Variants in AIFM1 observed in about 807,000 individuals in gnomAD.
AIFM1 encodes the protein apoptosis-inducing factor 1, mitochondrial.
AIFM1 carries 3 observed loss-of-function variants against 51.7 expected under a neutral mutation model. That is an observed-to-expected ratio of 0.06 (90% confidence interval 0.03 to 0.15). The LOEUF is 0.15. AIFM1 is among the 10% of genes least tolerant of loss of function. The pLI is 1.00. For synonymous variants in AIFM1, 178 were observed against 179.4 expected (o/e 0.99, Z 0.06); for missense variants, 330 against 476.8 (o/e 0.69, Z 2.87).
At chrX:130,131,449 C>T (rs754105368) in intron 14 of AIFM1, among the ~76,000 whole-genome samples, 22 of 112,640 alleles carry the variant, frequency 2.0e-4, no homozygotes, top group Admixed American at 8.5e-4. Flanking sequence ...CTGTCTAGGA[C>T]AGATACCCAC....
chrX:130,138,883 A>G lies in AIFM1; in HGVS notation c.859-182T>C, dbSNP rs2030473176. 2.7e-5 allele frequency among the ~76,000 whole-genome samples: 3 copies of G among 112,019 alleles called. No homozygotes were observed. In the South Asian group the frequency reaches 1.1e-3, roughly 41 times the overall value. On this transcript the variant is annotated intron_variant, in intron 8 of 15. Transcript: ENST00000287295. The stretch of plus-strand genomic sequence containing the variant: ...TCTTCATGGTAAAATTCCTTCTATA[A>G]ACAGTGGTTCTCAATTGGTGGCAGT...
chrX:130,144,750 C>T (rs1051328038), intron 6 of AIFM1, among the ~76,000 whole-genome samples: 1 of 112,421 alleles, frequency 8.9e-6, no homozygotes, highest in African/African-American at 3.2e-5. Flanking sequence ...CTGCCTAATA[C>T]AGTTAGCCCC....
rs1214605605 is a variant in AIFM1 at position 130,161,161 on chromosome X, A to T, written c.106+4390T>A. 3.6e-5 allele frequency among the ~76,000 whole-genome samples: 4 copies of T among 111,196 alleles called. No homozygotes were observed. In the East Asian group the frequency reaches 1.1e-3, roughly 31 times the overall value. On this transcript the variant is annotated intron_variant, in intron 1 of 15. Coordinates refer to ENST00000287295, the MANE Select transcript of AIFM1 (RefSeq NM_004208.4). ...CCCAGGGATCCTAAATGGTTAAGAG[A>T]TCTATACGTTCTTGAGACTTGTTTC...
Position 130,156,335 on chromosome X carries a change from C to A in AIFM1, c.249+126G>T, listed in dbSNP as rs886987655. 4.3e-6 allele frequency: 4 copies of A among 940,485 alleles called. No individual in the cohort carries two copies. The Admixed American group carries it at 9.8e-5, about 23-fold the overall frequency. 77.5% of individuals were successfully genotyped at this position (940,485 alleles called of 1,213,427 possible). ...TAGGCAGCAGGCACTTAAGAGAAGG[C>A]TTTTTGAAAATTTTTCCAAAAGGAG... On this transcript the variant is annotated intron_variant, in intron 2 of 15. Transcript: ENST00000287295.
At chrX:130,135,038 C>T (rs1027459571) in intron 12 of AIFM1, among the ~76,000 whole-genome samples, 2 of 109,854 alleles carry the variant, frequency 1.8e-5, no homozygotes, top group Non-Finnish European at 1.9e-5. Context: ...TGACTTTCCT[C>T]TCCTCTCTCC....
rs1486547516 is a variant in AIFM1 at position 130,165,721 on chromosome X, C to T, written c.-65G>A. Reference sequence around the variant, plus strand: ...TCTCACGCACGACCGACGGGTCAAACACCGTGAGCCCCGGCCAGCTCCCCC... The same window carrying T: ...TCTCACGCACGACCGACGGGTCAAATACCGTGAGCCCCGGCCAGCTCCCCC... On this transcript the variant is annotated 5_prime_UTR_variant, in exon 1 of 16. Transcript: ENST00000287295. The T allele has an allele frequency of 1.1e-6, 1 of 937,365 alleles. No homozygotes were observed. The highest frequency in any genetic ancestry group is 1.5e-6 in the Non-Finnish European group (1 of 663,124). 77.2% of individuals were successfully genotyped at this position (937,365 alleles called of 1,213,427 possible).
intron 1 of AIFM1, among the ~76,000 whole-genome samples, chrX:130,164,024 C>T (rs1356690291): frequency 9.4e-6 from 1 of 106,814 alleles, no homozygotes; most frequent in Non-Finnish European, 1.9e-5. Flanking sequence ...AAAAATTAGC[C>T]GGGCGTGGTG....
At chrX:130,139,138 C>T (rs1264825417) in intron 8 of AIFM1, among the ~76,000 whole-genome samples, 1 of 105,822 alleles carries the variant, frequency 9.4e-6, no homozygotes, top group Non-Finnish European at 1.9e-5. Flanking sequence ...ACAGCCTGGC[C>T]AACAGGGTAA....
intron 10 of AIFM1, 90 bp downstream of exon 10, chrX:130,136,988 T>C: frequency 8.3e-7 from 1 of 1,205,529 alleles, no homozygotes; most frequent in Middle Eastern, 2.8e-4. Flanking sequence ...TGATAGGGCT[T>C]ATGTCAAGGG....
At chrX:130,130,287 G>A in intron 14 of AIFM1, 121 bp from the exon 15 acceptor site, 2 of 811,146 alleles carry the variant, frequency 2.5e-6, no homozygotes, top group Non-Finnish European at 3.6e-6. Flanking sequence ...ACTTCTAGAG[G>A]ATTTATTTCT....
rs2030881306 is a variant in AIFM1 at position 130,149,484 on chromosome X, TTTTCTG to T, written c.328_333del (p.Gln110_Lys111del). On this transcript the variant is annotated inframe_deletion, in exon 3 of 16. Transcript: ENST00000287295. ...GAATACTCACCAGATAACGCGGCCTTTTTCTGTTTCTGTTCTGGTGTCAGCCCTAAC... is the reference window on the plus strand; with the variant it reads ...GAATACTCACCAGATAACGCGGCCTTTTTCTGTTCTGGTGTCAGCCCTAAC... 1.7e-6 allele frequency: 2 copies of T among 1,208,345 alleles called. No individual in the cohort carries two copies. Among genetic ancestry groups the T allele is most frequent in the Non-Finnish European group, 2.2e-6 (2 of 893,661 alleles).
In AIFM1 at chrX:130,149,445, AGCAAGAC is replaced by A; in HGVS notation, c.349+17_349+23del. 1 of 1,157,501 alleles carries A rather than the reference AGCAAGAC, an allele frequency of 8.6e-7. No individual in the cohort carries two copies. The highest frequency in any genetic ancestry group is 1.2e-6 in the Non-Finnish European group (1 of 846,126). On this transcript the variant is annotated intron_variant, in intron 3 of 15. Transcript: ENST00000287295. Reference sequence around the variant, plus strand: ...TTTCCCTTTGTGAGTCTCAAATCATAGCAAGACTTAAGGGAATACTCACCAGATAACG... The same window carrying A: ...TTTCCCTTTGTGAGTCTCAAATCATATTAAGGGAATACTCACCAGATAACG...
At position 130,130,169 on chromosome X, in the gene AIFM1, G is replaced by A. The variant is rs769388847; in HGVS notation, c.1574-3C>T. On this transcript the variant is annotated splice_region_variant and splice_polypyrimidine_tract_variant and intron_variant, in intron 14 of 15. Transcript: ENST00000287295. ...ACTCTCTGATCGGATACCAGTTCCT[G>A]TGGCCAGCCCCCAAAACAAATAAAC... The A allele has an allele frequency of 8.3e-7, 1 of 1,211,525 alleles. No homozygotes were observed. The highest frequency in any genetic ancestry group is 1.1e-6 in the Non-Finnish European group (1 of 895,228).
intron 6 of AIFM1, among the ~76,000 whole-genome samples, chrX:130,144,648 T>C (rs1385216342): frequency 8.9e-6 from 1 of 111,851 alleles, no homozygotes; most frequent in Admixed American, 9.5e-5. Flanking sequence ...ATGTCATCAC[T>C]CTACTGGGCA....
chrX:130,163,642 C>T (rs1384740513), intron 1 of AIFM1, among the ~76,000 whole-genome samples: 1 of 112,231 alleles, frequency 8.9e-6, no homozygotes, highest in Non-Finnish European at 1.9e-5. Flanking sequence ...AGTAGACTGC[C>T]TTCAAACAAA....
At chrX:130,161,706 C>A (rs1221781100) in intron 1 of AIFM1, among the ~76,000 whole-genome samples, 1 of 104,813 alleles carries the variant, frequency 9.5e-6, no homozygotes, top group African/African-American at 3.5e-5. Flanking sequence ...TTCCCGGGTT[C>A]AAGCAATTCT....
intron 9 of AIFM1, chrX:130,137,388 A>G: frequency 3.5e-6 from 4 of 1,157,020 alleles, no homozygotes; most frequent in Non-Finnish European, 3.5e-6. Flanking sequence ...CAGGTATCAG[A>G]ACTGCTGGCC....
intron 1 of AIFM1, among the ~76,000 whole-genome samples, chrX:130,160,482 C>T (rs747389417): frequency 5.3e-4 from 59 of 112,166 alleles, no homozygotes; most frequent in African/African-American, 1.5e-3. Context: ...CAGCGCCAGA[C>T]GACACACAGA....
intron 2 of AIFM1, among the ~76,000 whole-genome samples, chrX:130,153,072 C>T (rs1293571762): frequency 9.2e-6 from 1 of 109,096 alleles, no homozygotes; most frequent in Non-Finnish European, 1.9e-5. Context: ...GTGGCTCACG[C>T]CTGTAATCCC....
Sources: gnomAD v4.1 joint callset for allele counts (sites outside exome capture counted in the v4.1 genomes callset) on GRCh38, gnomAD v4.1.1 for gene constraint, MANE v1.5 for transcripts, NCBI Gene and HGNC (gene_info 2026-07-23, HGNC 2026-07-21) for gene names.